The following TBC1D1 variants were observed in gnomAD, a reference collection of about 807,000 sequenced individuals.
TBC1D1 encodes TBC1 domain family member 1.
A neutral mutation model predicts 125.6 loss-of-function variants in TBC1D1; 89 were observed. The observed-to-expected ratio is 0.71, with a 90% CI of 0.60 to 0.85. The LOEUF (loss-of-function observed/expected upper bound fraction) is 0.85, where lower values mean the gene tolerates loss of function less well. TBC1D1 is among the 40% of genes least tolerant of loss of function. The pLI is 0.00. For missense variants in TBC1D1, 1,377 were observed against 1,469.2 expected (o/e 0.94, Z 1.03); for synonymous variants, 565 against 564.1 (o/e 1.00, Z -0.02).
At chr4:37,975,562 C>T (rs532115961) in intron 2 of TBC1D1, among the ~76,000 whole-genome samples, 7 of 152,190 alleles carry the variant, frequency 4.6e-5, no homozygotes, top group Non-Finnish European at 1.0e-4. Context: ...TTTGTTGACA[C>T]TAACACTACC....
intron 12 of TBC1D1, among the ~76,000 whole-genome samples, chr4:38,070,855 T>C (rs771690007): frequency 3.9e-5 from 6 of 152,230 alleles, no homozygotes; most frequent in Non-Finnish European, 7.3e-5. Flanking sequence ...GTACATTTAG[T>C]CTTTCTAGAA....
intron 3 of TBC1D1, 145 bp downstream of exon 3, chr4:38,015,118 T>G: frequency 1.4e-6 from 1 of 729,856 alleles, no homozygotes; most frequent in Admixed American, 3.2e-5. Flanking sequence ...ATTCTATTCT[T>G]AGGATAAGCT....
rs1396848756 is a variant in TBC1D1 at position 38,049,768 on chromosome 4, G to A, written c.1780G>A (p.Ala594Thr). 6.2e-7 allele frequency: 1 copy of A among 1,614,176 alleles called. No individual in the cohort carries two copies. The highest frequency in any genetic ancestry group is 1.1e-5 in the South Asian group (1 of 91,074). ...GCCCCAGCAGGCCTTCAGGAGGCGA[G>A]CAAACACCCTGAGTCACTTCCCCAT... Residue 594 changes from alanine (A) to threonine (T), a missense_variant, in exon 11 of 20, where the codon GCA becomes ACA. Physicochemically the swap from Ala to Thr is moderately conservative, Grantham distance 58 (BLOSUM62 0). Around this residue, in one of 3 missense-constraint regions of TBC1D1, gnomAD observed 822 missense variants for 824.6 expected, o/e 1.00. Coordinates refer to ENST00000261439, the MANE Select transcript of TBC1D1 (RefSeq NM_015173.4).
At chr4:38,135,750 G>A (rs896114026) in intron 19 of TBC1D1, among the ~76,000 whole-genome samples, 3 of 152,134 alleles carry the variant, frequency 2.0e-5, no homozygotes, top group African/African-American at 7.2e-5. Context: ...GGGTGTTCTA[G>A]TGGCCCAGCC....
rs903646698 is a variant in TBC1D1 at position 38,076,470 on chromosome 4, C to T, written c.2051-13462C>T. Among the ~76,000 whole-genome samples the T allele has an allele frequency of 2.6e-5, 4 of 152,146 alleles. No homozygotes were observed. In the East Asian group the frequency reaches 5.8e-4, roughly 22 times the overall value. Reference sequence around the variant, plus strand: ...TGTGAGACTGGGGTCATGATCCTCCCGCACCCGTCTTCTGAGCCCTATTCC... The same window carrying T: ...TGTGAGACTGGGGTCATGATCCTCCTGCACCCGTCTTCTGAGCCCTATTCC... On this transcript the variant is annotated intron_variant, in intron 12 of 19. Transcript: ENST00000261439.
intron 15 of TBC1D1, among the ~76,000 whole-genome samples, chr4:38,114,064 C>CACACAG (rs1553941740): frequency 2.0e-5 from 3 of 151,800 alleles, no homozygotes; most frequent in Non-Finnish European, 4.4e-5. Context: ...CACACACACA[C>CACACAG]CTGCACACAA....
At chr4:38,112,304 A>G (rs1235823787) in intron 15 of TBC1D1, among the ~76,000 whole-genome samples, 1 of 152,200 alleles carries the variant, frequency 6.6e-6, no homozygotes, top group African/African-American at 2.4e-5. Context: ...GCTTATGTGC[A>G]GTGTTATAGT....
At chr4:38,114,708 CA>C (rs1177572553) in intron 15 of TBC1D1, among the ~76,000 whole-genome samples, 1 of 151,724 alleles carries the variant, frequency 6.6e-6, no homozygotes, top group Non-Finnish European at 1.5e-5. Context: ...GCCTCCTGAA[CA>C]AAAGAAATCC....
chr4:37,919,076 C>A (rs1432659806), intron 2 of TBC1D1, among the ~76,000 whole-genome samples: 4 of 102,370 alleles, frequency 3.9e-5, no homozygotes, highest in African/African-American at 1.5e-4. Context: ...AAGACTTACG[C>A]CCCCATCTTT....
At chr4:37,891,419 C>T (rs985046400) in intron 1 of TBC1D1, 71 bp downstream of exon 1, 4 of 152,394 alleles carry the variant, frequency 2.6e-5, no homozygotes, top group African/African-American at 2.4e-5. Context: ...GCCGCCCCCT[C>T]CCGCAGCACG....
intron 15 of TBC1D1, 42 bp downstream of exon 17, chr4:38,103,199 A>G: frequency 6.4e-7 from 1 of 1,570,602 alleles, no homozygotes; most frequent in Non-Finnish European, 8.6e-7. Flanking sequence ...TGGAAGTTTC[A>G]CTCACATGAA....
At chr4:37,938,600 T>C (rs995947420) in intron 2 of TBC1D1, among the ~76,000 whole-genome samples, 10 of 152,214 alleles carry the variant, frequency 6.6e-5, no homozygotes, top group Non-Finnish European at 1.5e-4. Flanking sequence ...GTTACATATG[T>C]ATACATGTGC....
chr4:37,899,785 G>A (rs1337799970), intron 1 of TBC1D1, among the ~76,000 whole-genome samples: 1 of 152,188 alleles, frequency 6.6e-6, no homozygotes, highest in Non-Finnish European at 1.5e-5. Flanking sequence ...TATGTGGAAA[G>A]AAACAACCAG....
At chr4:37,935,631 C>A (rs1381491482) in intron 2 of TBC1D1, among the ~76,000 whole-genome samples, 1 of 152,210 alleles carries the variant, frequency 6.6e-6, no homozygotes, top group Admixed American at 6.5e-5. Flanking sequence ...CTCTCCAATT[C>A]ACTCCACCAG....
chr4:37,923,589 G>T (rs1721465962), intron 2 of TBC1D1, among the ~76,000 whole-genome samples: 1 of 151,906 alleles, frequency 6.6e-6, no homozygotes, highest in African/African-American at 2.4e-5. Flanking sequence ...AAGTCCACAT[G>T]TATGTTTAAT....
chr4:38,019,572 G>T (rs993371390), intron 4 of TBC1D1, among the ~76,000 whole-genome samples: 5 of 152,132 alleles, frequency 3.3e-5, no homozygotes, highest in African/African-American at 1.2e-4. Flanking sequence ...TTCCTAAAGA[G>T]TGTAGTTTAC....
intron 11 of TBC1D1, among the ~76,000 whole-genome samples, chr4:38,052,400 C>T (rs1347076757): frequency 2.0e-5 from 3 of 150,594 alleles, no homozygotes; most frequent in Non-Finnish European, 4.4e-5. Context: ...GGCGTGATCT[C>T]GGCTCACTGC....
At chr4:38,043,590 CA>C (rs34854751) in intron 8 of TBC1D1, among the ~76,000 whole-genome samples, 142 of 142,564 alleles carry the variant, frequency 1.0e-3, no homozygotes, top group Middle Eastern at 3.6e-3. Flanking sequence ...CACCCTGTCT[CA>C]AAAAAAAAAA....
intron 2 of TBC1D1, among the ~76,000 whole-genome samples, chr4:37,982,553 T>A (rs1309012780): frequency 6.6e-6 from 1 of 152,126 alleles, no homozygotes; most frequent in Non-Finnish European, 1.5e-5. Flanking sequence ...TATCTGGTAG[T>A]GGTGGCAGCT....
Sources: allele counts gnomAD v4.1 joint callset (sites outside exome capture counted in the v4.1 genomes callset), GRCh38; gene constraint gnomAD v4.1.1; regional missense constraint gnomAD v4.1.1; transcripts MANE v1.5; gene names NCBI Gene and HGNC (gene_info 2026-07-23, HGNC 2026-07-21).